The following MROH1 variants were observed in gnomAD, a reference collection of about 807,000 sequenced individuals.
MROH1 encodes maestro heat like repeat family member 1.
In MROH1, 117 loss-of-function variants were observed where a neutral mutation model predicts 116.5. The ratio of observed to expected loss-of-function variants is 1.00; its 90% confidence interval spans 0.86 to 1.17. The LOEUF is 1.17. Ranked by LOEUF, MROH1 falls within the 50% of genes most tolerant of loss-of-function variation. The pLI is 0.00. For synonymous variants in MROH1, 921 were observed against 583.9 expected, an observed-to-expected ratio of 1.58 and a Z score of -8.32; for missense variants, 1,873 against 1,338.5, an observed-to-expected ratio of 1.40 and a Z score of -6.23.
chr8:144,225,910 G>GTTTGT (rs1837705052), intron 14 of MROH1, among the ~76,000 whole-genome samples: 1 of 87,554 alleles, frequency 1.1e-5, no homozygotes, highest in African/African-American at 4.4e-5. Context: ...TTCATTTTTA[G>GTTTGT]TTTTTTTTTT....
At chr8:144,244,878 T>G (rs1841632711) in intron 28 of MROH1, among the ~76,000 whole-genome samples, 2 of 152,198 alleles carry the variant, frequency 1.3e-5, no homozygotes, top group Non-Finnish European at 2.9e-5. Flanking sequence ...TGTGTTCTTC[T>G]AGGACCAAGG....
At chr8:144,209,769 G>A (rs1415922214) in intron 12 of MROH1, among the ~76,000 whole-genome samples, 1 of 151,152 alleles carries the variant, frequency 6.6e-6, no homozygotes, top group Non-Finnish European at 1.5e-5. Context: ...AGCCAGGTGT[G>A]GTAGCATGCA....
chr8:144,259,548 G>A (rs1251622273), intron 37 of MROH1, among the ~76,000 whole-genome samples, 194 bp downstream of exon 37: 1 of 152,202 alleles, frequency 6.6e-6, no homozygotes, highest in African/African-American at 2.4e-5. Context: ...CTCTGTGCCT[G>A]GTGAGAGGAG....
rs187286047 is a variant in MROH1, at chr8:144,233,743, C to A, written c.1339-5013C>A. ...GAAGTGCTTATCCCACTTGTCCCTTCATGGACACTCGGGGTGCTGCCACCT... is the reference window on the plus strand; with the variant it reads ...GAAGTGCTTATCCCACTTGTCCCTTAATGGACACTCGGGGTGCTGCCACCT... On this transcript the variant is annotated intron_variant, in intron 14 of 43. Coordinates refer to ENST00000326134, the MANE Select transcript of MROH1 (RefSeq NM_032450.3). 1.4e-3 allele frequency among the ~76,000 whole-genome samples: 206 copies of A among 152,320 alleles called. 1 individual carries two copies. Among genetic ancestry groups the A allele is most frequent in the Non-Finnish European group, 8.7e-4 (59 of 68,028 alleles).
intron 4 of MROH1, among the ~76,000 whole-genome samples, chr8:144,176,794 A>G (rs532457137): frequency 6.7e-6 from 1 of 149,448 alleles, no homozygotes; most frequent in Non-Finnish European, 1.5e-5. Context: ...GTGCCACTGC[A>G]CTCCAGCCTG....
intron 4 of MROH1, among the ~76,000 whole-genome samples, chr8:144,171,490 A>G (rs1462684080): frequency 1.3e-5 from 2 of 152,156 alleles, no homozygotes; most frequent in Non-Finnish European, 2.9e-5. Flanking sequence ...AGTTGCGCTC[A>G]TGCTCACTTG....
intron 1 of MROH1, among the ~76,000 whole-genome samples, chr8:144,157,919 C>T (rs1191199274): frequency 6.6e-6 from 1 of 151,156 alleles, no homozygotes; most frequent in Admixed American, 6.6e-5. Flanking sequence ...TTGAGTGATC[C>T]ACCTGCCTTG....
intron 31 of MROH1, 113 bp from the exon 32 acceptor site, chr8:144,248,764 A>C: frequency 1.4e-6 from 1 of 708,150 alleles, no homozygotes; most frequent in South Asian, 1.5e-5. Context: ...GCCCGGCTGC[A>C]AGAAGGGGTG....
At chr8:144,221,353 G>A (rs1836703602) in intron 13 of MROH1, among the ~76,000 whole-genome samples, 1 of 152,180 alleles carries the variant, frequency 6.6e-6, no homozygotes, top group African/African-American at 2.4e-5. Context: ...GGGGCTTAGT[G>A]ATGACCTCCC....
rs1252396139 is a variant in MROH1 at position 144,260,811 on chromosome 8, C to T, written c.4515C>T (p.Asp1505=). 2 of 777,914 alleles carry T rather than the reference C, an allele frequency of 2.6e-6. No individual in the cohort carries two copies. The highest frequency in any genetic ancestry group is 4.8e-6 in the Non-Finnish European group (2 of 417,618). The allele number at this position is 777,914 out of a possible 1,614,324, so 48.2% of individuals were successfully genotyped here. ...CGCCCCTGCTGCTGCACCTGCAGGA[C>T]CCTCAGGCCACCGTGGCCAGCGTGA... ...GLAPLLLHLQ[D]PQATVASACR... The change falls in exon 40 of 44, where the codon GAC becomes GAT. Residue 1505 remains aspartate, a synonymous_variant. Transcript: ENST00000326134.
At position 144,238,773 on chromosome 8, in the gene MROH1, C is replaced by T. The variant is rs1343423741; in HGVS notation, c.1356C>T (p.Pro452=). The change falls in exon 15 of 44, where the codon CCC becomes CCT. Residue 452 remains proline, a synonymous_variant. Coordinates refer to ENST00000326134, the MANE Select transcript of MROH1 (RefSeq NM_032450.3). The stretch of plus-strand genomic sequence containing the variant: ...TCCTCCAGCCTGAGAAGCCAGGCCC[C>T]GGCAGCAAGGACCCCAAGGCCGACA... ...PPEQEPEKPG[P]GSKDPKADSV... is the part of the protein sequence containing the mutation. 10 of 773,112 alleles carry T rather than the reference C, an allele frequency of 1.3e-5. No individual in the cohort carries two copies. Among genetic ancestry groups the T allele is most frequent in the Middle Eastern group, 3.0e-4 (1 of 3,316 alleles). The allele number at this position is 773,112 out of a possible 1,614,324, so 47.9% of individuals were successfully genotyped here. A position where few individuals can be genotyped will look rare whatever the true frequency, so the allele number is the denominator to read the frequency against.
rs71320812 is a variant in MROH1 at position 144,209,027 on chromosome 8, TTGTG to T, written c.1141+8530_1141+8533del. The stretch of plus-strand genomic sequence containing the variant: ...GCATGAGCCAATGCACTCGGCCATT[TTGTG>T]TGTGTGTGTGTGTGTGTGTGTGTGT... On this transcript the variant is annotated intron_variant, in intron 12 of 43. Coordinates refer to ENST00000326134, the MANE Select transcript of MROH1 (RefSeq NM_032450.3). 8.4e-3 allele frequency among the ~76,000 whole-genome samples: 1,196 copies of T among 141,724 alleles called. 21 individuals carry two copies. The highest frequency in any genetic ancestry group is 0.027 in the African/African-American group (1,009 of 36,866). 93.0% of individuals were successfully genotyped at this position (141,724 alleles called of 152,430 possible).
intron 2 of MROH1, among the ~76,000 whole-genome samples, chr8:144,162,761 C>T (rs1415587979): frequency 1.3e-5 from 2 of 150,692 alleles, no homozygotes; most frequent in African/African-American, 4.9e-5. Flanking sequence ...CTCACTCTGT[C>T]GCTCAGGCTG....
intron 11 of MROH1, 23 bp from the exon 12 acceptor site, chr8:144,200,405 A>C (rs1333744910): frequency 6.5e-7 from 1 of 1,528,352 alleles, no homozygotes; most frequent in Admixed American, 2.0e-5. Flanking sequence ...CATGGAGCCT[A>C]ATCTGTACCC....
intron 35 of MROH1, among the ~76,000 whole-genome samples, chr8:144,257,940 G>A (rs1468620830): frequency 6.6e-6 from 1 of 152,302 alleles, no homozygotes; most frequent in East Asian, 1.9e-4. Context: ...TGAAATGGAG[G>A]GTCCTGCTGG....
At chr8:144,199,335 C>G in intron 11 of MROH1, 135 bp downstream of exon 11, 1 of 872,082 alleles carries the variant, frequency 1.1e-6, no homozygotes, top group Non-Finnish European at 1.8e-6. Context: ...CTCTCCTGGG[C>G]CTACCTGTGG....
At chr8:144,208,745 A>T (rs982482571) in intron 12 of MROH1, among the ~76,000 whole-genome samples, 1 of 150,916 alleles carries the variant, frequency 6.6e-6, no homozygotes, top group Non-Finnish European at 1.5e-5. Context: ...CTTTTTTGAG[A>T]CAAAGTCTCA....
rs1024979599 is a variant in MROH1, at chr8:144,180,560, C to T, written c.562+37C>T. On this transcript the variant is annotated intron_variant, in intron 7 of 43. Coordinates refer to ENST00000326134, the MANE Select transcript of MROH1 (RefSeq NM_032450.3). The surrounding 1 kb of genome is among the most constrained non-coding windows in gnomAD (Gnocchi z 7.4). ...CCTCGTCACCTTCTGTCTCAAGTGC[C>T]CCTTTGTGGGGGGCTGTTCCCGGGC... The T allele has an allele frequency of 1.3e-6, 2 of 1,589,644 alleles. No individual in the cohort carries two copies. The highest frequency in any genetic ancestry group is 1.7e-6 in the Non-Finnish European group (2 of 1,167,236).
At position 144,183,313 on chromosome 8, in the gene MROH1, C is replaced by T. The variant is rs899065346; in HGVS notation, c.562+2790C>T. Among the ~76,000 whole-genome samples the T allele has an allele frequency of 8.2e-5, 12 of 147,122 alleles. No individual in the cohort carries two copies. In the South Asian group the frequency reaches 1.3e-3, roughly 16 times the overall value. ...GGAGGATTGCTTGACCCTGGGAAGT[C>T]GAGGCTGCAGTGAACCAAGATCAAG... On this transcript the variant is annotated intron_variant, in intron 7 of 43. Coordinates refer to ENST00000326134, the MANE Select transcript of MROH1 (RefSeq NM_032450.3).
Sources: gnomAD v4.1 joint callset for allele counts (sites outside exome capture counted in the v4.1 genomes callset) on GRCh38, gnomAD v4.1.1 for gene constraint, Gnocchi (gnomAD v3.1) non-coding constraint, MANE v1.5 for transcripts, NCBI Gene and HGNC (gene_info 2026-07-23, HGNC 2026-07-21) for gene names.